ABHD2: variants seen among roughly 807,000 people sequenced by gnomAD.
The protein encoded by ABHD2 is monoacylglycerol lipase ABHD2.
A neutral mutation model predicts 48.1 loss-of-function variants in ABHD2; 20 were observed. The ratio of observed to expected loss-of-function variants is 0.42; its 90% CI spans 0.29 to 0.60. The LOEUF is 0.60. Ranked by LOEUF, ABHD2 falls within the 20% of genes least tolerant of loss-of-function variation. The pLI, the probability that ABHD2 is intolerant of heterozygous loss-of-function variation, is 0.24. For synonymous variants in ABHD2, 209 were observed against 214.2 expected (o/e 0.98, Z 0.21); for missense variants, 405 against 550.9 (o/e 0.74, Z 2.65).
chr15:89,155,659 G>A lies in ABHD2; in HGVS notation c.538+125G>A, dbSNP rs138575936. The A allele has an allele frequency of 1.2e-4, 144 of 1,237,962 alleles. No individual in the cohort carries two copies. Among genetic ancestry groups the A allele is most frequent in the East Asian group, 4.1e-4 (17 of 41,392 alleles). The allele number at this position is 1,237,962 out of a possible 1,614,324, so 76.7% of individuals were successfully genotyped here. On this transcript the variant is annotated intron_variant, in intron 5 of 10. Transcript: ENST00000352732. This position sits in a 1 kb window ranked among gnomAD's most constrained non-coding sequence, Gnocchi z 4.9. Reference sequence around the variant, plus strand: ...ATCTGCAAGAGATGGTAGGTCACACGGTTATATCAACAGCCAACTTGTACT... The same window carrying A: ...ATCTGCAAGAGATGGTAGGTCACACAGTTATATCAACAGCCAACTTGTACT...
rs8042649 is a variant in ABHD2, at chr15:89,197,238, T to C, written c.*1815T>C. ...CAAAAGCAGCCCTTATCTCAGAGAC[T>C]GAGATTTCTGTGGTCTCAACTTCGC... On this transcript the variant is annotated 3_prime_UTR_variant, in exon 11 of 11. Coordinates refer to ENST00000352732, the MANE Select transcript of ABHD2 (RefSeq NM_152924.5). This position sits in a 1 kb window ranked among gnomAD's most constrained non-coding sequence, Gnocchi z 4.4. The C allele has an allele frequency of 0.38, 57,821 of 152,496 alleles. 11,334 individuals are homozygous for C. The highest frequency in any genetic ancestry group is 0.41 in the Non-Finnish European group (27,944 of 67,974). 9.4% of individuals were successfully genotyped at this position (152,496 alleles called of 1,614,324 possible).
chr15:89,184,519 C>T lies in ABHD2; in HGVS notation c.723-905C>T, dbSNP rs998233301. Among the ~76,000 whole-genome samples the T allele has an allele frequency of 2.0e-5, 3 of 152,038 alleles. No homozygotes were observed. Among genetic ancestry groups the T allele is most frequent in the East Asian group, 1.9e-4 (1 of 5,190 alleles). On this transcript the variant is annotated intron_variant, in intron 6 of 10. Transcript: ENST00000352732. This position sits in a 1 kb window ranked among gnomAD's most constrained non-coding sequence, Gnocchi z 5.1. ...CAGTGTCCGCCTGCGTTTGGATTCA[C>T]GCCCAAGGGAGGAGAGCAGTGAGTG... is the stretch of plus-strand genomic sequence containing the variant.
At chr15:89,133,266 A>AT (rs1408826956) in intron 3 of ABHD2, among the ~76,000 whole-genome samples, 1 of 131,004 alleles carries the variant, frequency 7.6e-6, no homozygotes, top group Admixed American at 7.3e-5. Flanking sequence ...TTCGTATTCC[A>AT]TAAAAAAATA....
rs1477699074 is a variant in ABHD2, at chr15:89,200,176, CTT to C, written c.*4756_*4757del. 1 of 152,142 alleles carries C rather than the reference CTT, an allele frequency of 6.6e-6. No individual in the cohort carries two copies. Among genetic ancestry groups the C allele is most frequent in the Non-Finnish European group, 1.5e-5 (1 of 68,038 alleles). 9.4% of individuals were successfully genotyped at this position (152,142 alleles called of 1,614,324 possible). A position where few individuals can be genotyped will look rare whatever the true frequency, so the allele number is the denominator to read the frequency against. ...TTTTTTTTAATTCTCCAATTTAAAA[CTT>C]TTAATTAAAAAGTAAATTTTAATGT... is the stretch of plus-strand genomic sequence containing the variant. On this transcript the variant is annotated 3_prime_UTR_variant, in exon 11 of 11. Transcript: ENST00000352732.
chr15:89,119,795 T>C (rs2050018668), intron 3 of ABHD2, among the ~76,000 whole-genome samples: 1 of 152,202 alleles, frequency 6.6e-6, no homozygotes, highest in Non-Finnish European at 1.5e-5. Flanking sequence ...CTGTCCCCCA[T>C]AGTCTTTTTC....
chr15:89,155,548 A>C lies in ABHD2; in HGVS notation c.538+14A>C. 6.3e-7 allele frequency: 1 copy of C among 1,598,360 alleles called. No individual in the cohort carries two copies. Among genetic ancestry groups the C allele is most frequent in the Non-Finnish European group, 8.6e-7 (1 of 1,168,882 alleles). Reference sequence around the variant, plus strand: ...TGTTCACCTATGGTAAGCATGGCTAAGTGGAGTCCTCCCTTTTTCTGCAAG... The same window carrying C: ...TGTTCACCTATGGTAAGCATGGCTACGTGGAGTCCTCCCTTTTTCTGCAAG... On this transcript the variant is annotated intron_variant, in intron 5 of 10. Transcript: ENST00000352732. This position sits in a 1 kb window ranked among gnomAD's most constrained non-coding sequence, Gnocchi z 4.9.
At chr15:89,194,849 C>T (rs1441958926) in intron 10 of ABHD2, among the ~76,000 whole-genome samples, 2 of 152,156 alleles carry the variant, frequency 1.3e-5, no homozygotes, top group South Asian at 2.1e-4. Context: ...TGGGAATTCC[C>T]TTCCCTCACT....
chr15:89,068,244 T>G, the ABHD2 span, among the ~76,000 whole-genome samples: 1 of 152,004 alleles, frequency 6.6e-6, no homozygotes, highest in East Asian at 1.9e-4. Context: ...TGTGCATGTA[T>G]AAATGATTTC....
rs1017686318 is a variant in ABHD2, at chr15:89,173,706, G to A, written c.539-2106G>A. ...TTTTTGTTCCTTCCCTGTCCTCAGG[G>A]CCCATTCAGAGGCCTTGTCATCAGA... On this transcript the variant is annotated intron_variant, in intron 5 of 10. Coordinates refer to ENST00000352732, the MANE Select transcript of ABHD2 (RefSeq NM_152924.5). The surrounding 1 kb of genome is among the most constrained non-coding windows in gnomAD (Gnocchi z 6.5). Among the ~76,000 whole-genome samples, 3 of 152,198 alleles carry A rather than the reference G, an allele frequency of 2.0e-5. No individual in the cohort carries two copies. The highest frequency in any genetic ancestry group is 4.4e-5 in the Non-Finnish European group (3 of 68,028).
chr15:89,080,334 T>C, the ABHD2 span, among the ~76,000 whole-genome samples: 1 of 152,202 alleles, frequency 6.6e-6, no homozygotes, highest in Non-Finnish European at 1.5e-5. Context: ...AGTTCAAGTG[T>C]AAGGGTGTTC....
Position 89,191,098 on chromosome 15 carries a change from C to T in ABHD2, c.945C>T (p.Asn315=), listed in dbSNP as rs760857546. The T allele has an allele frequency of 3.1e-6, 5 of 1,613,930 alleles. No individual in the cohort carries two copies. Among genetic ancestry groups the T allele is most frequent in the Admixed American group, 1.7e-5 (1 of 60,002 alleles). The change falls in exon 9 of 11, where the codon AAC becomes AAT. Residue 315 remains asparagine (N), a synonymous_variant. Coordinates refer to ENST00000352732, the MANE Select transcript of ABHD2 (RefSeq NM_152924.5). Reference sequence around the variant, plus strand: ...GTTGCAGGAAGTTTCACGGCTATAACTCCCTGAAGGAATACTATGAGGAAG... The same window carrying T: ...GTTGCAGGAAGTTTCACGGCTATAATTCCCTGAAGGAATACTATGAGGAAG... The part of the protein sequence containing the change: ...DNVMRKFHGY[N]SLKEYYEEES...
chr15:89,171,263 A>G (rs1277255024), intron 5 of ABHD2, among the ~76,000 whole-genome samples: 2 of 152,138 alleles, frequency 1.3e-5, no homozygotes, highest in African/African-American at 4.8e-5. Context: ...GTGGAATCAG[A>G]ATCTCTGGAG....
intron 1 of ABHD2, among the ~76,000 whole-genome samples, chr15:89,112,549 G>C (rs1200779693): frequency 2.0e-5 from 3 of 152,332 alleles, no homozygotes; most frequent in African/African-American, 7.2e-5. Context: ...ATAATTGGAA[G>C]CTGGGCAAGA....
rs560542823 is a variant in ABHD2, at chr15:89,122,896, CAG to C, written c.194+6380_194+6381del. On this transcript the variant is annotated intron_variant, in intron 3 of 10. Coordinates refer to ENST00000352732, the MANE Select transcript of ABHD2 (RefSeq NM_152924.5). ...AGGACTTGGCTAATAGGCCGAAAAA[CAG>C]AGAGTTGAGTTGTCTTCACTGGATC... Among the ~76,000 whole-genome samples the C allele has an allele frequency of 9.9e-3, 1,504 of 152,298 alleles. 19 individuals carry two copies. The highest frequency in any genetic ancestry group is 0.018 in the Non-Finnish European group (1,211 of 68,030).
intron 5 of ABHD2, among the ~76,000 whole-genome samples, chr15:89,163,713 T>C (rs1431057966): frequency 6.6e-6 from 1 of 152,220 alleles, no homozygotes; most frequent in African/African-American, 2.4e-5. Context: ...TTCCCCACTT[T>C]GGTGGTAGTG....
Position 89,167,776 on chromosome 15 carries a change from A to G in ABHD2, c.539-8036A>G, listed in dbSNP as rs1237708382. On this transcript the variant is annotated intron_variant, in intron 5 of 10. Coordinates refer to ENST00000352732, the MANE Select transcript of ABHD2 (RefSeq NM_152924.5). The surrounding 1 kb of genome is among the most constrained non-coding windows in gnomAD (Gnocchi z 5.5). ...CTTGACTTTAAGAAATGACTCACATACTTTTACTATGGAAGTGACAGGGGC... is the reference window on the plus strand; with the variant it reads ...CTTGACTTTAAGAAATGACTCACATGCTTTTACTATGGAAGTGACAGGGGC... Among the ~76,000 whole-genome samples the G allele has an allele frequency of 1.3e-5, 2 of 152,160 alleles. No individual in the cohort carries two copies. Among genetic ancestry groups the G allele is most frequent in the Non-Finnish European group, 2.9e-5 (2 of 68,036 alleles).
chr15:89,153,016 GC>G (rs2050618237), intron 4 of ABHD2, among the ~76,000 whole-genome samples: 1 of 152,044 alleles, frequency 6.6e-6, no homozygotes, highest in South Asian at 2.1e-4. Flanking sequence ...ATTTAAAGTG[GC>G]TAGAACTGCT....
chr15:89,128,579 A>G (rs1555428345), intron 3 of ABHD2, among the ~76,000 whole-genome samples: 1 of 152,128 alleles, frequency 6.6e-6, no homozygotes, highest in Non-Finnish European at 1.5e-5. Flanking sequence ...CCCAAAAATG[A>G]TCTTGGTGCT....
Position 89,199,892 on chromosome 15 carries a change from G to A in ABHD2, c.*4469G>A, listed in dbSNP as rs184118580. 3 of 152,360 alleles carry A rather than the reference G, an allele frequency of 2.0e-5. No individual in the cohort carries two copies. The highest frequency in any genetic ancestry group is 7.2e-5 in the African/African-American group (3 of 41,426). 9.4% of individuals were successfully genotyped at this position (152,360 alleles called of 1,614,324 possible). On this transcript the variant is annotated 3_prime_UTR_variant, in exon 11 of 11. Coordinates refer to ENST00000352732, the MANE Select transcript of ABHD2 (RefSeq NM_152924.5). The surrounding 1 kb of genome is among the most constrained non-coding windows in gnomAD (Gnocchi z 4.1). ...AAATTGTAGTTGAAGCTAAGGAAGG[G>A]GAATCTGGCCCCTGCTGGGAGAGGG...
Sources: gnomAD v4.1 joint callset for allele counts (sites outside exome capture counted in the v4.1 genomes callset) on GRCh38, gnomAD v4.1.1 for gene constraint, Gnocchi (gnomAD v3.1) non-coding constraint, MANE v1.5 for transcripts, NCBI Gene and HGNC (gene_info 2026-07-23, HGNC 2026-07-21) for gene names.